SHB: variants seen among roughly 807,000 people sequenced by gnomAD.
SHB encodes the protein SH2 domain containing adaptor protein B.
SHB carries 20 observed loss-of-function variants against 52.3 expected under a neutral mutation model. The observed-to-expected ratio is 0.38, with a 90% confidence interval of 0.27 to 0.56. SHB has a LOEUF of 0.56. SHB is among the 20% of genes least tolerant of loss of function. The pLI is 0.71. For synonymous variants in SHB, 397 were observed against 316.5 expected, an observed-to-expected ratio of 1.25 and a Z score of -2.70; for missense variants, 825 against 723.3, an observed-to-expected ratio of 1.14 and a Z score of -1.61.
At chr9:38,010,684 C>T (rs966769241) in intron 2 of SHB, among the ~76,000 whole-genome samples, 36 of 152,212 alleles carry the variant, frequency 2.4e-4, no homozygotes, top group African/African-American at 8.2e-4. Context: ...TCAGTGCACC[C>T]ACCACTGACC....
At chr9:37,954,216 A>G (rs956907641) in intron 4 of SHB, among the ~76,000 whole-genome samples, 1 of 152,268 alleles carries the variant, frequency 6.6e-6, no homozygotes, top group African/African-American at 2.4e-5. Context: ...AGGTGGCAGA[A>G]GCCTCCAGAG....
At chr9:37,974,596 T>C in intron 3 of SHB, 26 bp downstream of exon 3, 1 of 1,599,818 alleles carries the variant, frequency 6.3e-7, no homozygotes. Flanking sequence ...AGCAGCTGCC[T>C]CCTGAGCAGG....
At chr9:37,943,074 C>G (rs1214988417) in intron 5 of SHB, among the ~76,000 whole-genome samples, 1 of 152,188 alleles carries the variant, frequency 6.6e-6, no homozygotes. Flanking sequence ...CCGACCCCTC[C>G]ACCTGGTGAT....
At chr9:37,943,918 T>C (rs1000267153) in intron 5 of SHB, among the ~76,000 whole-genome samples, 10 of 152,248 alleles carry the variant, frequency 6.6e-5, no homozygotes, top group African/African-American at 2.4e-4. Flanking sequence ...TTTAATGAGA[T>C]TTTTTTCAAG....
intron 2 of SHB, among the ~76,000 whole-genome samples, chr9:37,989,448 C>G (rs910835728): frequency 6.6e-6 from 1 of 152,072 alleles, no homozygotes; most frequent in Non-Finnish European, 1.5e-5. Context: ...TCCTACCTGG[C>G]CCAGGAGCGA....
At chr9:37,923,060 A>G (rs565251272) in intron 5 of SHB, among the ~76,000 whole-genome samples, 1 of 152,312 alleles carries the variant, frequency 6.6e-6, no homozygotes, top group South Asian at 2.1e-4. Flanking sequence ...GCCAGGCTCT[A>G]TGTCCTGAAG....
rs1410727498 is a variant in SHB at position 38,025,388 on chromosome 9, G to A, written c.718-9257C>T. ...AGGCTTCCTGCTCTAGGGGGTACGA[G>A]TGCTCCCCTAGGGGCCTGAGGCGAC... On this transcript the variant is annotated intron_variant, in intron 1 of 5. Coordinates refer to ENST00000377707, the MANE Select transcript of SHB (RefSeq NM_003028.3). Among the ~76,000 whole-genome samples, 3 of 152,156 alleles carry A rather than the reference G, an allele frequency of 2.0e-5. No individual in the cohort carries two copies. In the East Asian group the frequency reaches 5.8e-4, roughly 29 times the overall value.
At chr9:38,022,927 G>T (rs1189451148) in intron 1 of SHB, among the ~76,000 whole-genome samples, 1 of 152,188 alleles carries the variant, frequency 6.6e-6, no homozygotes, top group Non-Finnish European at 1.5e-5. Flanking sequence ...CTTCTGCTTT[G>T]GGGGGAAGGT....
chr9:37,949,770 G>C (rs1470372304), intron 4 of SHB, among the ~76,000 whole-genome samples: 2 of 152,220 alleles, frequency 1.3e-5, no homozygotes, highest in African/African-American at 4.8e-5. Context: ...CCATGCTCCT[G>C]CCAGACGGCT....
intron 3 of SHB, among the ~76,000 whole-genome samples, chr9:37,957,214 G>T (rs1266970771): frequency 6.6e-6 from 1 of 152,172 alleles, no homozygotes; most frequent in Non-Finnish European, 1.5e-5. Flanking sequence ...CATGTCCCTG[G>T]CTGTGCCACA....
Position 38,011,431 on chromosome 9 carries a change from T to G in SHB, c.838+4580A>C, listed in dbSNP as rs549732108. On this transcript the variant is annotated intron_variant, in intron 2 of 5. Coordinates refer to ENST00000377707, the MANE Select transcript of SHB (RefSeq NM_003028.3). ...GAAAAGGGGAAATAGGACTGAACAA[T>G]TAGCCAGGCCAGCACTGAGAAAGGA... Among the ~76,000 whole-genome samples, 6 of 152,106 alleles carry G rather than the reference T, an allele frequency of 3.9e-5. No individual in the cohort carries two copies. The East Asian group carries it at 1.2e-3, about 29-fold the overall frequency.
At chr9:37,947,528 C>T (rs1397952643) in intron 5 of SHB, among the ~76,000 whole-genome samples, 2 of 152,220 alleles carry the variant, frequency 1.3e-5, no homozygotes, top group Admixed American at 6.5e-5. Context: ...AGGTGGACTC[C>T]CACAGCCTGT....
At position 37,916,871 on chromosome 9, in the gene SHB, A is replaced by T. The variant is rs1207772960; in HGVS notation, c.*2950T>A. Among the ~76,000 whole-genome samples, 1 of 152,216 alleles carries T rather than the reference A, an allele frequency of 6.6e-6. No individual in the cohort carries two copies. The highest frequency in any genetic ancestry group is 1.5e-5 in the Non-Finnish European group (1 of 68,032). ...GACAGAGTTGCTCAAGTGGGCAGGC[A>T]TTATGGTCAATAATAAAGCCAGCAA... On this transcript the variant is annotated 3_prime_UTR_variant, in exon 6 of 6. Coordinates refer to ENST00000377707, the MANE Select transcript of SHB (RefSeq NM_003028.3).
intron 5 of SHB, among the ~76,000 whole-genome samples, chr9:37,935,507 C>T (rs1832359238): frequency 6.6e-6 from 1 of 152,134 alleles, no homozygotes; most frequent in Admixed American, 6.5e-5. Flanking sequence ...AGGTGAGCCC[C>T]TCATCTCTCT....
At chr9:37,988,650 T>C (rs2244006) in intron 2 of SHB, among the ~76,000 whole-genome samples, 86,805 of 151,982 alleles carry the variant, frequency 0.57, 25,157 homozygotes, top group East Asian at 0.74. Flanking sequence ...TCTTTTTATG[T>C]GTCAACATGG....
At chr9:38,052,318 C>A (rs1821761921) in intron 1 of SHB, among the ~76,000 whole-genome samples, 1 of 152,172 alleles carries the variant, frequency 6.6e-6, no homozygotes, top group Non-Finnish European at 1.5e-5. Flanking sequence ...TTGTACAAGG[C>A]CTCCTCCGCC....
intron 2 of SHB, among the ~76,000 whole-genome samples, chr9:37,989,921 T>C (rs1321854294): frequency 3.3e-5 from 5 of 152,174 alleles, no homozygotes; most frequent in African/African-American, 9.7e-5. Flanking sequence ...ATAGCTATTA[T>C]AGATGACACC....
At chr9:37,920,042 T>C (rs374419217) in intron 5 of SHB, 38 bp from the exon 6 acceptor site, 71 of 1,553,496 alleles carry the variant, frequency 4.6e-5, no homozygotes, top group Middle Eastern at 3.4e-4. Flanking sequence ...ACTACCCCCC[T>C]GACACTCAGG....
chr9:37,927,536 G>A (rs112356671), intron 5 of SHB, among the ~76,000 whole-genome samples: 36 of 152,328 alleles, frequency 2.4e-4, no homozygotes, highest in African/African-American at 7.0e-4. Flanking sequence ...CTCTAGGCAG[G>A]AGAGCTGGCA....
Sources: allele counts gnomAD v4.1 joint callset (sites outside exome capture counted in the v4.1 genomes callset), GRCh38; gene constraint gnomAD v4.1.1; transcripts MANE v1.5; gene names NCBI Gene and HGNC (gene_info 2026-07-23, HGNC 2026-07-21).